The following ELOA variants were observed in gnomAD, a reference collection of about 807,000 sequenced individuals.
ELOA encodes elongin A, also known as elongin-A.
ELOA carries 15 observed loss-of-function variants against 85.2 expected under a neutral mutation model. The observed-to-expected ratio is 0.18, with a 90% CI of 0.12 to 0.27. The LOEUF (loss-of-function observed/expected upper bound fraction) is 0.27. ELOA is among the 10% of genes least tolerant of loss of function. The pLI is 1.00. For synonymous variants in ELOA, 348 were observed against 357.2 expected, an observed-to-expected ratio of 0.97 and a Z score of 0.29; for missense variants, 769 against 952.7, an observed-to-expected ratio of 0.81 and a Z score of 2.54.
intron 4 of ELOA, 139 bp downstream of exon 4, chr1:23,752,169 G>T (rs1442095511): frequency 2.2e-6 from 2 of 926,646 alleles, no homozygotes; most frequent in Non-Finnish European, 3.2e-6. Context: ...TTTCCTCTGG[G>T]CTTCACTGGT....
Position 23,756,346 on chromosome 1 carries a change from A to G in ELOA, c.2045A>G (p.Lys682Arg), listed in dbSNP as rs1056789313. 7.6e-6 allele frequency: 12 copies of G among 1,582,432 alleles called. 1 individual carries two copies. In the East Asian group the frequency reaches 2.7e-4, roughly 36 times the overall value. The part of the protein sequence containing the change: ...PPRDVRRRQE[K>R]FGTGGAAVPE... ...CGTGACGTCCGGAGGAGGCAGGAAA[A>G]GTTTGGAACGGGAGGAGCAGCTGTC... The change falls in exon 9 of 11, where the codon AAG becomes AGG. Residue 682 changes from lysine (K) to arginine (R), a missense_variant. Around this residue, in one of 4 missense-constraint regions of ELOA, gnomAD observed 116 missense variants for 141.0 expected, o/e 0.82. Transcript: ENST00000613537.
intron 1 of ELOA, among the ~76,000 whole-genome samples, chr1:23,746,702 A>G (rs1479364288): frequency 6.6e-6 from 1 of 152,162 alleles, no homozygotes; most frequent in Non-Finnish European, 1.5e-5. Context: ...GTGACATTAA[A>G]AATATTTTTT....
chr1:23,749,678 G>C (rs1337394117), intron 2 of ELOA, among the ~76,000 whole-genome samples, 164 bp from the exon 3 acceptor site: 1 of 152,222 alleles, frequency 6.6e-6, no homozygotes, highest in East Asian at 1.9e-4. Flanking sequence ...TGTCATTAGA[G>C]ATTTGGGGCA....
chr1:23,745,174 G>C (rs1410586871), intron 1 of ELOA, among the ~76,000 whole-genome samples: 1 of 152,198 alleles, frequency 6.6e-6, no homozygotes, highest in African/African-American at 2.4e-5. Flanking sequence ...TGCAGCTTCA[G>C]TACCGTACCT....
chr1:23,750,044 G>T, intron 3 of ELOA, 96 bp downstream of exon 3: 1 of 950,270 alleles, frequency 1.1e-6, no homozygotes, highest in Non-Finnish European at 1.5e-6. Context: ...TTCTGAAATT[G>T]TTTTGCCTCA....
Position 23,750,873 on chromosome 1 carries a change from G to C in ELOA, c.268G>C (p.Glu90Gln), listed in dbSNP as rs745512699. Residue 90 changes from glutamate (E) to glutamine (Q), a missense_variant, in exon 4 of 11, where the codon GAG becomes CAG. Physicochemically the swap from Glu to Gln is conservative, Grantham distance 29 (BLOSUM62 2). Around this residue, in one of 4 missense-constraint regions of ELOA, gnomAD observed 440 missense variants for 474.0 expected, o/e 0.93. Transcript: ENST00000613537. ...RNAEPDEQDF[E>Q]KSNSRKRPRD... is the part of the protein sequence containing the mutation. ...TGCTGAGCCTGATGAACAGGACTTTGAGAAGAGCAATTCCCGAAAGCGCCC... is the reference window on the plus strand; with the variant it reads ...TGCTGAGCCTGATGAACAGGACTTTCAGAAGAGCAATTCCCGAAAGCGCCC... The C allele has an allele frequency of 6.2e-7, 1 of 1,601,354 alleles. No homozygotes were observed. Among genetic ancestry groups the C allele is most frequent in the South Asian group, 1.1e-5 (1 of 88,974 alleles).
intron 1 of ELOA, 122 bp downstream of exon 1, chr1:23,743,700 G>A (rs1286118823): frequency 1.7e-6 from 2 of 1,195,872 alleles, no homozygotes; most frequent in Non-Finnish European, 2.2e-6. Flanking sequence ...CGCGGGGCTG[G>A]GGTCGTGAAG....
intron 3 of ELOA, 98 bp from the exon 4 acceptor site, chr1:23,750,745 ACT>A: frequency 8.6e-7 from 1 of 1,168,460 alleles, no homozygotes; most frequent in Middle Eastern, 2.0e-4. Flanking sequence ...GTTGTTTCTA[ACT>A]CTGCATCTTC....
chr1:23,756,828 G>C, intron 9 of ELOA, 125 bp from the exon 10 acceptor site: 3 of 913,574 alleles, frequency 3.3e-6, no homozygotes, highest in Non-Finnish European at 4.8e-6. Flanking sequence ...AATCCAGGGT[G>C]ATAGGGTCCA....
In ELOA at chr1:23,756,986, C is replaced by T. The variant is rs1158618455; in HGVS notation, c.2118C>T (p.Ser706=). Residue 706 remains serine (S), a synonymous_variant, in exon 10 of 11, where the codon AGC becomes AGT. Coordinates refer to ENST00000613537, the MANE Select transcript of ELOA (RefSeq NM_003198.3). The part of the protein sequence containing the change: ...IKPAPYPMGS[S]HASASSISFN... ...CAGCCCCGTACCCCATGGGAAGCAG[C>T]CATGCTTCCGCCAGTAGCATCAGCT... 3 of 1,583,220 alleles carry T rather than the reference C, an allele frequency of 1.9e-6. No homozygotes were observed. The highest frequency in any genetic ancestry group is 1.9e-5 in the Admixed American group (1 of 52,716).
At chr1:23,750,415 C>T (rs1644764604) in intron 3 of ELOA, among the ~76,000 whole-genome samples, 2 of 152,130 alleles carry the variant, frequency 1.3e-5, no homozygotes, top group Middle Eastern at 3.4e-3. Flanking sequence ...CTCCTGACCT[C>T]GTGATCTGCC....
chr1:23,746,248 A>G (rs1644746080), intron 1 of ELOA, among the ~76,000 whole-genome samples: 1 of 149,544 alleles, frequency 6.7e-6, no homozygotes, highest in Admixed American at 6.8e-5. Flanking sequence ...AGATCGCGCC[A>G]TTGCACTCCA....
chr1:23,759,821 A>T lies in ELOA; in HGVS notation c.*248A>T. ...TCACTGAGGATTTTAAAGGTCAATT[A>T]TACTTTTGTTGTTCATTAGCATCTT... On this transcript the variant is annotated 3_prime_UTR_variant, in exon 11 of 11. Transcript: ENST00000613537. 1.9e-6 allele frequency: 1 copy of T among 514,688 alleles called. No individual in the cohort carries two copies. The highest frequency in any genetic ancestry group is 3.5e-6 in the Non-Finnish European group (1 of 288,030). The allele number at this position is 514,688 out of a possible 1,614,324, so 31.9% of individuals were successfully genotyped here. A position where few individuals can be genotyped will look rare whatever the true frequency, so the allele number is the denominator to read the frequency against.
chr1:23,753,210 G>C (rs942489331), intron 5 of ELOA, among the ~76,000 whole-genome samples: 1 of 152,058 alleles, frequency 6.6e-6, no homozygotes, highest in South Asian at 2.1e-4. Context: ...TAAGTGCATA[G>C]ACTCTGAAGT....
Position 23,751,990 on chromosome 1 carries a change from C to T in ELOA, c.1385C>T (p.Ser462Leu), listed in dbSNP as rs1644773607. ...TTACCCAAGGTGAACAAAACCAAGTCAGAGAAGCCGGCTGGAGCTGATTTA... is the reference window on the plus strand; with the variant it reads ...TTACCCAAGGTGAACAAAACCAAGTTAGAGAAGCCGGCTGGAGCTGATTTA... Reference protein sequence around the residue: ...QKLPKVNKTKSEKPAGADLAK... With the variant: ...QKLPKVNKTKLEKPAGADLAK... The change falls in exon 4 of 11, where the codon TCA (serine) becomes TTA (leucine). Residue 462 changes from serine (S) to leucine (L), a missense_variant. Physicochemically the swap from Ser to Leu is moderately radical, Grantham distance 145 (BLOSUM62 -2). Coordinates refer to ENST00000613537, the MANE Select transcript of ELOA (RefSeq NM_003198.3). 5 of 1,606,008 alleles carry T rather than the reference C, an allele frequency of 3.1e-6. No homozygotes were observed. The highest frequency in any genetic ancestry group is 4.2e-6 in the Non-Finnish European group (5 of 1,178,164).
chr1:23,752,662 A>G (rs1217948340), intron 5 of ELOA, 144 bp downstream of exon 5: 9 of 803,922 alleles, frequency 1.1e-5, no homozygotes, highest in East Asian at 6.1e-5. Context: ...TTCTAAACCA[A>G]CCAGGCGTGG....
At position 23,759,749 on chromosome 1, in the gene ELOA, C is replaced by T; in HGVS notation, c.*176C>T. 1.6e-6 allele frequency: 1 copy of T among 633,066 alleles called. No homozygotes were observed. The highest frequency in any genetic ancestry group is 2.8e-6 in the Non-Finnish European group (1 of 359,688). 39.2% of individuals were successfully genotyped at this position (633,066 alleles called of 1,614,324 possible). ...AACCTGCGTGCCACAGCCCCGCCTC[C>T]CTGCCTGGAGCACACTTTAGAATTC... On this transcript the variant is annotated 3_prime_UTR_variant, in exon 11 of 11. Transcript: ENST00000613537.
In ELOA at chr1:23,752,472, A is replaced by C. The variant is rs114897920; in HGVS notation, c.1491A>C (p.Pro497=). Residue 497 remains proline, a synonymous_variant, in exon 5 of 11, where the codon CCA becomes CCC. Transcript: ENST00000613537. The stretch of plus-strand genomic sequence containing the variant: ...CCGCGATACAGGCCAATTACCGTCC[A>C]CTGCCTTCCCTCGAGCTGATATCCT... ...PLPAIQANYR[P]LPSLELISSF... 25,179 of 1,614,120 alleles carry C rather than the reference A, an allele frequency of 0.016. 235 individuals carry two copies. The highest frequency in any genetic ancestry group is 0.024 in the Middle Eastern group (146 of 6,062).
In ELOA at chr1:23,749,871, C is replaced by T; in HGVS notation, c.162C>T (p.Ser54=). Residue 54 remains serine, a synonymous_variant, in exon 3 of 11, where the codon AGC becomes AGT. Transcript: ENST00000613537. ...AETGVGKTVN[S]LRKHEHVGSF... is the part of the protein sequence containing the mutation. Reference sequence around the variant, plus strand: ...CTGGGGTTGGGAAAACAGTAAATAGCTTGCGAAAACACGAGCATGTTGGAA... The same window carrying T: ...CTGGGGTTGGGAAAACAGTAAATAGTTTGCGAAAACACGAGCATGTTGGAA... The T allele has an allele frequency of 1.9e-6, 3 of 1,613,882 alleles. No individual in the cohort carries two copies. Among genetic ancestry groups the T allele is most frequent in the Non-Finnish European group, 1.7e-6 (2 of 1,179,854 alleles).
Sources: allele counts gnomAD v4.1 joint callset (sites outside exome capture counted in the v4.1 genomes callset), GRCh38; gene constraint gnomAD v4.1.1; regional missense constraint gnomAD v4.1.1; transcripts MANE v1.5; gene names NCBI Gene and HGNC (gene_info 2026-07-23, HGNC 2026-07-21).